Variants in ELOC observed in about 807,000 individuals in gnomAD.
The protein encoded by ELOC is elongin-C.
For missense variants in ELOC, 38 were observed against 139.0 expected, an observed-to-expected ratio of 0.27 and a Z score of 3.65; for synonymous variants, 40 against 51.3, an observed-to-expected ratio of 0.78 and a Z score of 0.94.
chr8:73,948,835 A>ACAAGCAAGCAAGCAAGCAAGCAAG (rs149713108), intron 3 of ELOC, among the ~76,000 whole-genome samples: 2 of 150,268 alleles, frequency 1.3e-5, no homozygotes, highest in Non-Finnish European at 1.5e-5. Context: ...CCTGTCACTC[A>ACAAGCAAGCAAGCAAGCAAGCAAG]CAAGCAAGCA....
chr8:73,954,607 G>C (rs1385302360), intron 3 of ELOC, among the ~76,000 whole-genome samples: 1 of 150,498 alleles, frequency 6.6e-6, no homozygotes, highest in Non-Finnish European at 1.5e-5. Flanking sequence ...AGCCGAGATC[G>C]TGCCACTGCA....
At chr8:73,952,294 T>A (rs796310850) in intron 3 of ELOC, among the ~76,000 whole-genome samples, 1 of 151,568 alleles carries the variant, frequency 6.6e-6, no homozygotes, top group South Asian at 2.1e-4. Context: ...ATCCCAGCTA[T>A]TCAGGAGGCT....
rs530356565 is a variant in ELOC at position 73,947,889 on chromosome 8, C to A, written c.149-1069G>T. On this transcript the variant is annotated intron_variant, in intron 3 of 3. Transcript: ENST00000520242. ...TGCACCTGGCCAACATTAAAAAAAA[C>A]CTTTACTAAAATAGTACTTGAGGGC... Among the ~76,000 whole-genome samples the A allele has an allele frequency of 5.3e-5, 8 of 152,126 alleles. No individual in the cohort carries two copies. In the South Asian group the frequency reaches 1.7e-3, roughly 32 times the overall value.
intron 2 of ELOC, among the ~76,000 whole-genome samples, chr8:73,958,695 T>C (rs578013074): frequency 7.2e-5 from 11 of 152,318 alleles, no homozygotes; most frequent in African/African-American, 2.4e-4. Context: ...CAGAAAACAT[T>C]GTATGTTTGT....
intron 1 of ELOC, among the ~76,000 whole-genome samples, chr8:73,964,037 G>A (rs1338531287): frequency 1.5e-5 from 2 of 132,522 alleles, no homozygotes; most frequent in Non-Finnish European, 3.1e-5. Context: ...AGGTTGCAGT[G>A]AGCCAAGACT....
At chr8:73,950,581 C>T (rs1011375649) in intron 3 of ELOC, among the ~76,000 whole-genome samples, 1 of 152,122 alleles carries the variant, frequency 6.6e-6, no homozygotes, top group African/African-American at 2.4e-5. Context: ...CAACAATAAT[C>T]ACAATGAATG....
At chr8:73,960,640 G>A (rs1814526030) in intron 1 of ELOC, among the ~76,000 whole-genome samples, 1 of 152,132 alleles carries the variant, frequency 6.6e-6, no homozygotes, top group Non-Finnish European at 1.5e-5. Flanking sequence ...GGTTAGCAAT[G>A]CTCTGTACAC....
intron 3 of ELOC, among the ~76,000 whole-genome samples, chr8:73,954,789 T>G (rs974729099): frequency 1.1e-4 from 16 of 152,074 alleles, no homozygotes; most frequent in South Asian, 1.0e-3. Flanking sequence ...CCCTGCACTT[T>G]GGGAGGCTGA....
intron 1 of ELOC, 149 bp downstream of exon 1, chr8:73,971,928 G>C (rs902902789): frequency 2.0e-5 from 3 of 152,192 alleles, no homozygotes; most frequent in African/African-American, 7.2e-5. Flanking sequence ...ACTAGGGGCT[G>C]GGGAGGCCCA....
At chr8:73,962,482 T>C (rs952764785) in intron 1 of ELOC, among the ~76,000 whole-genome samples, 1 of 152,200 alleles carries the variant, frequency 6.6e-6, no homozygotes. Flanking sequence ...AGTACTGTCA[T>C]TTTATGATAC....
chr8:73,963,647 T>G (rs951699156), intron 1 of ELOC, among the ~76,000 whole-genome samples: 1 of 152,344 alleles, frequency 6.6e-6, no homozygotes, highest in East Asian at 1.9e-4. Flanking sequence ...TCTTTTTACA[T>G]TGGCTATTTA....
intron 2 of ELOC, among the ~76,000 whole-genome samples, chr8:73,956,891 C>T (rs1814225175): frequency 6.6e-6 from 1 of 152,094 alleles, no homozygotes; most frequent in African/African-American, 2.4e-5. Context: ...GCTCACATCC[C>T]AGCACTTTGG....
At chr8:73,966,296 C>T (rs1329335589) in intron 1 of ELOC, among the ~76,000 whole-genome samples, 1 of 152,020 alleles carries the variant, frequency 6.6e-6, no homozygotes, top group African/African-American at 2.4e-5. Context: ...GGGAATGAGT[C>T]ACAGATATTT....
intron 3 of ELOC, among the ~76,000 whole-genome samples, chr8:73,947,804 G>GAC (rs1813479316): frequency 6.6e-6 from 1 of 151,886 alleles, no homozygotes. Context: ...TGAACTACTG[G>GAC]ACTCAAGTGA....
chr8:73,959,447 TTTTTTTG>T (rs1385136092), intron 2 of ELOC, among the ~76,000 whole-genome samples: 22 of 152,170 alleles, frequency 1.4e-4, no homozygotes, highest in African/African-American at 5.3e-4. Flanking sequence ...TCTTTTTAAA[TTTTTTTG>T]TTAAAAACTA....
At chr8:73,949,374 AAAC>A (rs1813602492) in intron 3 of ELOC, among the ~76,000 whole-genome samples, 1 of 152,224 alleles carries the variant, frequency 6.6e-6, no homozygotes, top group African/African-American at 2.4e-5. Flanking sequence ...GATACTAGAC[AAAC>A]ATCAGTGATT....
chr8:73,957,687 T>C lies in ELOC; in HGVS notation c.5-1633A>G, dbSNP rs115869588. Reference sequence around the variant, plus strand: ...TAAAATTGAGGAATAGTCTTTGAAGTAGAAAACTATTTAAAGGAGACTAAA... The same window carrying C: ...TAAAATTGAGGAATAGTCTTTGAAGCAGAAAACTATTTAAAGGAGACTAAA... On this transcript the variant is annotated intron_variant, in intron 2 of 3. Coordinates refer to ENST00000520242, the MANE Select transcript of ELOC (RefSeq NM_005648.4). Among the ~76,000 whole-genome samples the C allele has an allele frequency of 7.1e-3, 1,077 of 152,312 alleles. 10 individuals are homozygous for C. Among genetic ancestry groups the C allele is most frequent in the African/African-American group, 0.025 (1,038 of 41,572 alleles).
chr8:73,969,566 G>A (rs1307287823), intron 1 of ELOC: 1 of 152,068 alleles, frequency 6.6e-6, no homozygotes. Flanking sequence ...TTACCTCAAG[G>A]TCTTTGCATT....
intron 3 of ELOC, among the ~76,000 whole-genome samples, chr8:73,949,673 A>G (rs1813617690): frequency 6.6e-6 from 1 of 152,166 alleles, no homozygotes; most frequent in Non-Finnish European, 1.5e-5. Context: ...TTTGTGTCTG[A>G]GTTCTTTTAC....
Sources: gnomAD v4.1 joint callset for allele counts (sites outside exome capture counted in the v4.1 genomes callset) on GRCh38, gnomAD v4.1.1 for gene constraint, MANE v1.5 for transcripts, NCBI Gene and HGNC (gene_info 2026-07-23, HGNC 2026-07-21) for gene names.